SCGB2B2: variants seen among roughly 807,000 people sequenced by gnomAD.
SCGB2B2 encodes secretoglobin family 2B member 2.
A neutral mutation model predicts 7.6 loss-of-function variants in SCGB2B2; 11 were observed. The ratio of observed to expected loss-of-function variants is 1.45; its 90% confidence interval spans 0.91 to 2.40. SCGB2B2 has a LOEUF of 2.40. Ranked by LOEUF, SCGB2B2 falls within the 30% of genes most tolerant of loss-of-function variation. The pLI is 0.00. For synonymous variants in SCGB2B2, 50 were observed against 48.6 expected (o/e 1.03, Z -0.12); for missense variants, 104 against 115.4 (o/e 0.90, Z 0.45).
intron 1 of SCGB2B2, among the ~76,000 whole-genome samples, chr19:34,674,976 G>A (rs950525961): frequency 2.0e-5 from 3 of 151,952 alleles, no homozygotes; most frequent in Non-Finnish European, 2.9e-5. Context: ...ATATTAAAAA[G>A]GTCATCATTC....
chr19:34,620,300 T>C (rs1009539436), intron 1 of SCGB2B2, among the ~76,000 whole-genome samples: 1 of 152,076 alleles, frequency 6.6e-6, no homozygotes. Flanking sequence ...AATGATAGAC[T>C]AGATTAAGAA....
chr19:34,588,034 G>A (rs1375337055), downstream of SCGB2B2, among the ~76,000 whole-genome samples: 3 of 152,162 alleles, frequency 2.0e-5, no homozygotes, highest in African/African-American at 7.2e-5. Context: ...GATAATGGTG[G>A]CCTTGTAAAC....
At chr19:34,597,731 A>G (rs1568428054) in intron 1 of SCGB2B2, among the ~76,000 whole-genome samples, 1 of 152,116 alleles carries the variant, frequency 6.6e-6, no homozygotes, top group Non-Finnish European at 1.5e-5. Flanking sequence ...AGGGAAGACA[A>G]CAATTATTTG....
intron 1 of SCGB2B2, among the ~76,000 whole-genome samples, chr19:34,623,419 G>T (rs1406331444): frequency 6.6e-6 from 1 of 152,090 alleles, no homozygotes; most frequent in African/African-American, 2.4e-5. Context: ...AGTGACCCAG[G>T]GTACAGAGAA....
chr19:34,594,444 G>A lies in SCGB2B2; in HGVS notation c.61+59C>T, dbSNP rs372091780. The A allele has an allele frequency of 4.4e-6, 7 of 1,600,872 alleles. No individual in the cohort carries two copies. In the African/African-American group the frequency reaches 9.4e-5, roughly 21 times the overall value. ...ATGGCCAATGAGACCTTGGGATGGTGATGAGAGTGAAGGAGCAGGGCCACC... is the reference window on the plus strand; with the variant it reads ...ATGGCCAATGAGACCTTGGGATGGTAATGAGAGTGAAGGAGCAGGGCCACC... On this transcript the variant is annotated intron_variant, in intron 2 of 3. Coordinates refer to ENST00000601241, the MANE Select transcript of SCGB2B2 (RefSeq NM_001025591.4).
At chr19:34,599,568 TGAG>T (rs2065560699) in intron 1 of SCGB2B2, among the ~76,000 whole-genome samples, 4 of 152,138 alleles carry the variant, frequency 2.6e-5, no homozygotes. Flanking sequence ...TTCACTACCA[TGAG>T]AACAGTGTGG....
chr19:34,620,126 T>C (rs1286079260), intron 1 of SCGB2B2, among the ~76,000 whole-genome samples: 1 of 152,212 alleles, frequency 6.6e-6, no homozygotes, highest in Non-Finnish European at 1.5e-5. Context: ...ATTCTACAAT[T>C]TTGGAACGTG....
chr19:34,589,451 C>T (rs1354463188), downstream of SCGB2B2, among the ~76,000 whole-genome samples: 4 of 152,138 alleles, frequency 2.6e-5, no homozygotes, highest in Non-Finnish European at 5.9e-5. Flanking sequence ...AGGGGTCTCA[C>T]TTGCACTTAA....
At chr19:34,668,714 C>T (rs374937204) in intron 1 of SCGB2B2, among the ~76,000 whole-genome samples, 54 of 152,312 alleles carry the variant, frequency 3.5e-4, no homozygotes, top group Middle Eastern at 3.4e-3. Flanking sequence ...CACCAATCGA[C>T]ACTCTGTATC....
intron 1 of SCGB2B2, among the ~76,000 whole-genome samples, chr19:34,605,247 T>A (rs1329967221): frequency 6.6e-6 from 1 of 152,236 alleles, no homozygotes; most frequent in Admixed American, 6.5e-5. Context: ...AAAATTTACA[T>A]GCAGCAAACT....
chr19:34,663,470 G>A (rs2067521154), intron 1 of SCGB2B2, among the ~76,000 whole-genome samples: 1 of 152,154 alleles, frequency 6.6e-6, no homozygotes, highest in South Asian at 2.1e-4. Flanking sequence ...CGATGACTAC[G>A]GCCATAAAAA....
At chr19:34,668,537 G>A (rs1238404232) in intron 1 of SCGB2B2, among the ~76,000 whole-genome samples, 4 of 152,326 alleles carry the variant, frequency 2.6e-5, no homozygotes, top group South Asian at 4.1e-4. Context: ...GCTGGTGCAC[G>A]GCGCGGGACT....
At chr19:34,635,426 G>A (rs2066648462) in intron 1 of SCGB2B2, 1 of 311,600 alleles carries the variant, frequency 3.2e-6, no homozygotes. Context: ...CACATTCACT[G>A]CACCCATAAG....
At chr19:34,668,400 G>A (rs1030904549) in intron 1 of SCGB2B2, among the ~76,000 whole-genome samples, 2 of 152,190 alleles carry the variant, frequency 1.3e-5, no homozygotes, top group African/African-American at 4.8e-5. Context: ...GGCAGGGCTC[G>A]GTACCTGCAG....
At chr19:34,645,303 A>G (rs2066966453) in intron 1 of SCGB2B2, 1 of 152,510 alleles carries the variant, frequency 6.6e-6, no homozygotes, top group South Asian at 2.1e-4. Context: ...ACATGCACAC[A>G]CAGACCTGCG....
At chr19:34,597,351 A>G (rs952133102) in intron 1 of SCGB2B2, among the ~76,000 whole-genome samples, 1 of 145,520 alleles carries the variant, frequency 6.9e-6, no homozygotes, top group African/African-American at 2.5e-5. Context: ...TGCCAGGGCC[A>G]GGGCAAGCTT....
At chr19:34,671,273 T>G (rs1308756419) in intron 1 of SCGB2B2, among the ~76,000 whole-genome samples, 1 of 152,244 alleles carries the variant, frequency 6.6e-6, no homozygotes, top group East Asian at 1.9e-4. Context: ...AAACACGATC[T>G]TCAGTGAATT....
chr19:34,669,133 T>G (rs901144308), intron 1 of SCGB2B2, among the ~76,000 whole-genome samples: 1 of 151,886 alleles, frequency 6.6e-6, no homozygotes, highest in Non-Finnish European at 1.5e-5. Context: ...AACTAACAAC[T>G]CCAGACGCGC....
chr19:34,634,223 G>A (rs1600057442), intron 1 of SCGB2B2, among the ~76,000 whole-genome samples: 1 of 152,194 alleles, frequency 6.6e-6, no homozygotes, highest in Non-Finnish European at 1.5e-5. Flanking sequence ...TGAGCTCTAT[G>A]AATCACATGC....
Sources: gnomAD v4.1 joint callset for allele counts (sites outside exome capture counted in the v4.1 genomes callset) on GRCh38, gnomAD v4.1.1 for gene constraint, MANE v1.5 for transcripts, NCBI Gene and HGNC (gene_info 2026-07-23, HGNC 2026-07-21) for gene names.